The following EPCAM variants were observed in gnomAD, a reference collection of about 807,000 sequenced individuals.
The protein encoded by EPCAM is epithelial cell adhesion molecule, also known as adenocarcinoma-associated antigen.
A neutral mutation model predicts 40.0 loss-of-function variants in EPCAM; 39 were observed. That is an observed-to-expected ratio of 0.98 (90% CI 0.76 to 1.27). EPCAM has a LOEUF of 1.27. Among genes scored for constraint, EPCAM ranks in the 50% most tolerant of loss-of-function variants. The pLI is 0.00. For missense variants in EPCAM, 503 were observed against 381.2 expected (o/e 1.32, Z -2.66); for synonymous variants, 168 against 132.3 (o/e 1.27, Z -1.85).
At chr2:47,380,553 C>T (rs1671559251) in intron 7 of EPCAM, among the ~76,000 whole-genome samples, 1 of 152,178 alleles carries the variant, frequency 6.6e-6, no homozygotes, top group South Asian at 2.1e-4. Flanking sequence ...TTTCAGTTGT[C>T]ACTGCAAACA....
rs906837557 is a variant in EPCAM, at chr2:47,373,985, C to T, written c.362C>T (p.Thr121Ile). The change falls in exon 3 of 9, where the codon ACT becomes ATT. Residue 121 changes from threonine to isoleucine, a missense_variant. By Grantham distance (89) the Thr-to-Ile change is moderately conservative. Coordinates refer to ENST00000263735, the MANE Select transcript of EPCAM (RefSeq NM_002354.3). ...NGTSMCWCVN[T>I]AGVRRTDKDT... Reference sequence around the variant, plus strand: ...ACCTCCATGTGCTGGTGTGTGAACACTGCTGGGGTCAGAAGAACAGACAAG... The same window carrying T: ...ACCTCCATGTGCTGGTGTGTGAACATTGCTGGGGTCAGAAGAACAGACAAG... 1 of 1,614,164 alleles carries T rather than the reference C, an allele frequency of 6.2e-7. No homozygotes were observed. Among genetic ancestry groups the T allele is most frequent in the East Asian group, 2.2e-5 (1 of 44,882 alleles).
rs528859440 is a variant in EPCAM, at chr2:47,369,408, C to G, written c.-98C>G. ...ACGCGGACCCGCGTGCCCCAGGCCT[C>G]GCGCTGCCCGGCCGGCTCCTCGTGT... is the stretch of plus-strand genomic sequence containing the variant. On this transcript the variant is annotated 5_prime_UTR_variant, in exon 1 of 9. Transcript: ENST00000263735. The G allele has an allele frequency of 6.9e-4, 865 of 1,253,186 alleles. 5 individuals are homozygous for G. In the African/African-American group the frequency reaches 0.012, roughly 18 times the overall value. 77.6% of individuals were successfully genotyped at this position (1,253,186 alleles called of 1,614,324 possible).
rs1251208229 is a variant in EPCAM at position 47,369,496 on chromosome 2, C to G, written c.-10C>G. ...CCCTCCCGCGCCCCTCTTCTCGGCG[C>G]GCGCGCAGCATGGCGCCCCCGCAGG... On this transcript the variant is annotated 5_prime_UTR_variant, in exon 1 of 9. Transcript: ENST00000263735. 1 of 1,531,736 alleles carries G rather than the reference C, an allele frequency of 6.5e-7. No individual in the cohort carries two copies. Among genetic ancestry groups the G allele is most frequent in the Non-Finnish European group, 8.7e-7 (1 of 1,144,238 alleles). The allele number at this position is 1,531,736 out of a possible 1,614,324, so 94.9% of individuals were successfully genotyped here. A position where few individuals can be genotyped will look rare whatever the true frequency, so the allele number is the denominator to read the frequency against.
intron 1 of EPCAM, chr2:47,369,915 C>G (rs1167091410): frequency 2.3e-6 from 1 of 436,998 alleles, no homozygotes; most frequent in Non-Finnish European, 4.4e-6. Flanking sequence ...CTGGCGCACC[C>G]ACGTCCTCGG....
intron 4 of EPCAM, 38 bp from the exon 5 acceptor site, chr2:47,376,976 A>G (rs772468246): frequency 3.5e-6 from 5 of 1,417,158 alleles, no homozygotes; most frequent in Non-Finnish European, 5.0e-6. Flanking sequence ...GTGTGGTACA[A>G]ACATTTTTTT....
Position 47,379,954 on chromosome 2 carries a change from T to A in EPCAM, c.843T>A (p.Ala281=). The A allele has an allele frequency of 1.9e-6, 3 of 1,612,514 alleles. No individual in the cohort carries two copies. The highest frequency in any genetic ancestry group is 2.5e-6 in the Non-Finnish European group (3 of 1,179,082). The part of the protein sequence containing the change: ...VIVVVVIAVV[A]GIVVLVISRK... ...TGGTTGTGGTGATAGCAGTTGTTGC[T>A]GGAATTGTTGTGCTGGTGAGTACAG... Residue 281 remains alanine (A), a synonymous_variant, in exon 7 of 9, where the codon GCT becomes GCA. Transcript: ENST00000263735.
chr2:47,375,916 G>T (rs1416300963), intron 4 of EPCAM, among the ~76,000 whole-genome samples: 1 of 152,064 alleles, frequency 6.6e-6, no homozygotes, highest in African/African-American at 2.4e-5. Flanking sequence ...ATATTGGCCA[G>T]GCTGGTCTCG....
intron 6 of EPCAM, among the ~76,000 whole-genome samples, 169 bp from the exon 7 acceptor site, chr2:47,379,600 G>A (rs1371539179): frequency 6.6e-6 from 1 of 152,136 alleles, no homozygotes; most frequent in African/African-American, 2.4e-5. Flanking sequence ...ATGTTGAAAG[G>A]TTCCTGTAAT....
At chr2:47,373,167 T>C (rs1176201399) in intron 1 of EPCAM, among the ~76,000 whole-genome samples, 1 of 134,502 alleles carries the variant, frequency 7.4e-6, no homozygotes, top group African/African-American at 2.8e-5. Context: ...ATTGTGCCAC[T>C]GCATTCCAGC....
chr2:47,374,793 C>T (rs184957476), intron 3 of EPCAM, among the ~76,000 whole-genome samples: 2 of 152,062 alleles, frequency 1.3e-5, no homozygotes, highest in African/African-American at 2.4e-5. Flanking sequence ...ACAGCTATAC[C>T]ACACCTGACT....
intron 7 of EPCAM, among the ~76,000 whole-genome samples, chr2:47,381,585 C>T (rs945695704): frequency 6.6e-6 from 1 of 152,010 alleles, no homozygotes; most frequent in Admixed American, 6.6e-5. Flanking sequence ...GGTGGCATGT[C>T]CAGAGCACAG....
chr2:47,377,663 C>A, intron 5 of EPCAM: 1 of 311,344 alleles, frequency 3.2e-6, no homozygotes, highest in South Asian at 2.8e-5. Flanking sequence ...GAGAACCTGT[C>A]CCTGTGGATG....
At chr2:47,379,521 G>A (rs1415515154) in intron 6 of EPCAM, among the ~76,000 whole-genome samples, 1 of 152,212 alleles carries the variant, frequency 6.6e-6, no homozygotes, top group African/African-American at 2.4e-5. Context: ...GAGAGGCTAT[G>A]TGTTGTTGGC....
At chr2:47,370,478 T>A (rs1412101522) in intron 1 of EPCAM, among the ~76,000 whole-genome samples, 2 of 151,924 alleles carry the variant, frequency 1.3e-5, no homozygotes, top group Non-Finnish European at 2.9e-5. Flanking sequence ...GGTTTCTCCA[T>A]GTTGGTCAGG....
At chr2:47,369,668 A>C in intron 1 of EPCAM, 87 bp downstream of exon 1, 1 of 1,324,384 alleles carries the variant, frequency 7.6e-7, no homozygotes, top group Non-Finnish European at 1.1e-6. Context: ...AACGGGCATA[A>C]TAGGGAGGGG....
At chr2:47,378,522 G>C (rs1671488516) in intron 5 of EPCAM, among the ~76,000 whole-genome samples, 2 of 151,880 alleles carry the variant, frequency 1.3e-5, no homozygotes, top group South Asian at 4.1e-4. Context: ...GGCTGGTCTT[G>C]AACTCCGGAC....
At chr2:47,375,167 A>G (rs1432490740) in intron 3 of EPCAM, 67 bp from the exon 4 acceptor site, 2 of 1,184,998 alleles carry the variant, frequency 1.7e-6, no homozygotes, top group Non-Finnish European at 2.5e-6. Flanking sequence ...TTTTAGGATT[A>G]GCTTATTAGG....
intron 1 of EPCAM, chr2:47,369,843 A>G (rs957308803): frequency 3.3e-6 from 2 of 614,424 alleles, no homozygotes; most frequent in South Asian, 1.6e-5. Flanking sequence ...GGCGGGGGAC[A>G]GGCAGGGAAC....
intron 7 of EPCAM, among the ~76,000 whole-genome samples, chr2:47,380,374 G>A (rs779099197): frequency 1.2e-4 from 18 of 151,938 alleles, no homozygotes; most frequent in Admixed American, 2.0e-4. Context: ...AACATTCAGG[G>A]AAAAAAATCT....
Sources: gnomAD v4.1 joint callset for allele counts (sites outside exome capture counted in the v4.1 genomes callset) on GRCh38, gnomAD v4.1.1 for gene constraint, MANE v1.5 for transcripts, NCBI Gene and HGNC (gene_info 2026-07-23, HGNC 2026-07-21) for gene names.